CACNA1D: variants seen among roughly 807,000 people sequenced by gnomAD.
The protein encoded by CACNA1D is calcium voltage-gated channel subunit alpha1 D.
In CACNA1D, 55 loss-of-function variants were observed where a neutral mutation model predicts 257.1. The ratio of observed to expected loss-of-function variants is 0.21; its 90% CI spans 0.17 to 0.27. The LOEUF (loss-of-function observed/expected upper bound fraction) is 0.27, where lower values mean the gene tolerates loss of function less well. CACNA1D is among the 10% of genes least tolerant of loss of function. CACNA1D has a pLI of 1.00. For missense variants in CACNA1D, 1,876 were observed against 2,784.0 expected (o/e 0.67, Z 7.34); for synonymous variants, 980 against 1,014.9 (o/e 0.97, Z 0.65).
chr3:53,799,715 C>T (rs924139358), intron 40 of CACNA1D, among the ~76,000 whole-genome samples: 18 of 152,202 alleles, frequency 1.2e-4, no homozygotes, highest in African/African-American at 4.3e-4. Context: ...TGTTGTGTCA[C>T]TCACTCGTTC....
At chr3:53,809,035 G>A (rs969461863) in intron 46 of CACNA1D, 9 of 499,684 alleles carry the variant, frequency 1.8e-5, no homozygotes, top group African/African-American at 3.9e-5. Flanking sequence ...GCCTCCCTGC[G>A]ATCCCCACCA....
intron 3 of CACNA1D, among the ~76,000 whole-genome samples, chr3:53,635,462 G>T (rs2093871896): frequency 6.6e-6 from 1 of 152,114 alleles, no homozygotes; most frequent in African/African-American, 2.4e-5. Flanking sequence ...ATCTGGATTT[G>T]GGGGGGATCA....
chr3:53,700,109 T>C (rs528663978), intron 8 of CACNA1D, among the ~76,000 whole-genome samples: 1 of 148,698 alleles, frequency 6.7e-6, no homozygotes, highest in African/African-American at 2.4e-5. Context: ...TATATAATTA[T>C]AATACATTAT....
chr3:53,684,735 A>G (rs2094460605), intron 8 of CACNA1D, among the ~76,000 whole-genome samples: 3 of 152,084 alleles, frequency 2.0e-5, no homozygotes, highest in African/African-American at 7.2e-5. Context: ...TATTATGGGA[A>G]CTGTAACAGG....
intron 40 of CACNA1D, among the ~76,000 whole-genome samples, chr3:53,788,340 A>C (rs1341800606): frequency 6.6e-6 from 1 of 152,172 alleles, no homozygotes; most frequent in African/African-American, 2.4e-5. Context: ...GCCTCTCATC[A>C]CGTATCCTAA....
intron 3 of CACNA1D, among the ~76,000 whole-genome samples, chr3:53,649,768 G>A (rs1488163071): frequency 6.6e-6 from 1 of 152,228 alleles, no homozygotes; most frequent in African/African-American, 2.4e-5. Flanking sequence ...ATATTGGAAA[G>A]TTACAGTTGC....
At position 53,745,878 on chromosome 3, in the gene CACNA1D, G is replaced by C; in HGVS notation, c.3167+3G>C. 6.2e-7 allele frequency: 1 copy of C among 1,611,412 alleles called. No homozygotes were observed. Among genetic ancestry groups the C allele is most frequent in the Non-Finnish European group, 8.5e-7 (1 of 1,177,522 alleles). The stretch of plus-strand genomic sequence containing the variant: ...AAAAGTAACCCTGAAGAATGCAGGT[G>C]AGCGTCCTGAGAGTGGAGTAGGGGA... On this transcript the variant is annotated splice_donor_region_variant and intron_variant, in intron 25 of 47. Coordinates refer to ENST00000350061, the MANE Select transcript of CACNA1D (RefSeq NM_001128840.3).
At chr3:53,712,381 C>T (rs373643969) in intron 9 of CACNA1D, among the ~76,000 whole-genome samples, 8 of 152,328 alleles carry the variant, frequency 5.3e-5, no homozygotes, top group South Asian at 4.1e-4. Flanking sequence ...TCCCTGAACA[C>T]GCGGAGATAG....
chr3:53,628,341 G>A (rs549220674), intron 3 of CACNA1D, among the ~76,000 whole-genome samples: 1 of 152,252 alleles, frequency 6.6e-6, no homozygotes, highest in African/African-American at 2.4e-5. Flanking sequence ...GCCATTGTAA[G>A]CTCCCCATCT....
At chr3:53,548,570 C>T (rs2092464356) in intron 3 of CACNA1D, among the ~76,000 whole-genome samples, 2 of 152,112 alleles carry the variant, frequency 1.3e-5, no homozygotes, top group Non-Finnish European at 2.9e-5. Flanking sequence ...CAGGTGGTGG[C>T]TCCAGAGTCT....
At chr3:53,557,419 G>A (rs373779155) in intron 3 of CACNA1D, among the ~76,000 whole-genome samples, 4 of 152,040 alleles carry the variant, frequency 2.6e-5, no homozygotes, top group South Asian at 2.1e-4. Context: ...GCTTGAACCC[G>A]GGAGGTGGAG....
chr3:53,497,293 G>C lies in CACNA1D; in HGVS notation c.209G>C (p.Ser70Thr), dbSNP rs1302462905. The C allele has an allele frequency of 6.2e-7, 1 of 1,614,082 alleles. No homozygotes were observed. The highest frequency in any genetic ancestry group is 1.1e-5 in the South Asian group (1 of 91,068). The change falls in exon 2 of 48, where the codon AGC becomes ACC. Residue 70 changes from serine to threonine, a missense_variant. Physicochemically the swap from Ser to Thr is moderately conservative, Grantham distance 58. This residue lies in a region of CACNA1D where 143 missense variants were observed against 168.7 expected (regional missense o/e 0.85). Coordinates refer to ENST00000350061, the MANE Select transcript of CACNA1D (RefSeq NM_001128840.3). ...ARQAKAAQTM[S>T]TSAPPPVGSL... The stretch of plus-strand genomic sequence containing the variant: ...CAGGCCAAGGCTGCCCAAACTATGA[G>C]CACCTCTGCACCCCCACCTGTAGGA...
intron 9 of CACNA1D, among the ~76,000 whole-genome samples, chr3:53,713,896 C>T (rs1372852800): frequency 1.3e-5 from 2 of 152,040 alleles, no homozygotes; most frequent in Non-Finnish European, 2.9e-5. Context: ...ACCCAGGCCC[C>T]CCGCCACCAA....
chr3:53,626,743 G>A (rs760764379), intron 3 of CACNA1D, among the ~76,000 whole-genome samples: 74 of 152,174 alleles, frequency 4.9e-4, no homozygotes, highest in Admixed American at 4.6e-4. Flanking sequence ...TATTTTATTA[G>A]TTGAGGAATC....
chr3:53,698,215 C>A (rs915275572), intron 8 of CACNA1D, among the ~76,000 whole-genome samples: 1 of 152,224 alleles, frequency 6.6e-6, no homozygotes, highest in African/African-American at 2.4e-5. Flanking sequence ...TCCAGCCTGT[C>A]CCCAGAGGGT....
intron 8 of CACNA1D, among the ~76,000 whole-genome samples, chr3:53,689,177 C>T (rs951185192): frequency 9.9e-5 from 15 of 152,044 alleles, no homozygotes; most frequent in Admixed American, 2.0e-4. Context: ...GGACAGGATT[C>T]GTTAGGATGG....
intron 3 of CACNA1D, among the ~76,000 whole-genome samples, chr3:53,552,186 A>G (rs1171542291): frequency 3.9e-5 from 6 of 152,050 alleles, no homozygotes; most frequent in Admixed American, 3.9e-4. Context: ...TGCTTGAGGC[A>G]TTATTTTACT....
intron 3 of CACNA1D, among the ~76,000 whole-genome samples, chr3:53,528,857 T>C (rs1477832374): frequency 6.6e-6 from 1 of 152,208 alleles, no homozygotes; most frequent in Admixed American, 6.5e-5. Context: ...TATGTTGCCT[T>C]GTACATGCCG....
chr3:53,611,871 A>G (rs2093586922), intron 3 of CACNA1D, among the ~76,000 whole-genome samples: 1 of 152,212 alleles, frequency 6.6e-6, no homozygotes, highest in South Asian at 2.1e-4. Context: ...CTCCTAATGT[A>G]TCACAAACAC....
Sources: allele counts gnomAD v4.1 joint callset (sites outside exome capture counted in the v4.1 genomes callset), GRCh38; gene constraint gnomAD v4.1.1; regional missense constraint gnomAD v4.1.1; transcripts MANE v1.5; gene names NCBI Gene and HGNC (gene_info 2026-07-23, HGNC 2026-07-21).